The following KCTD16 variants were observed in gnomAD, a reference collection of about 807,000 sequenced individuals.
The protein encoded by KCTD16 is BTB/POZ domain-containing protein KCTD16.
Under a neutral mutation model 33.2 loss-of-function variants are expected in KCTD16, and 13 were observed. The observed-to-expected ratio is 0.39, with a 90% CI of 0.25 to 0.62. KCTD16 has a LOEUF of 0.62. Ranked by LOEUF, KCTD16 falls within the 20% of genes least tolerant of loss-of-function variation. The pLI is 0.50. For missense variants in KCTD16, 441 were observed against 525.1 expected, an observed-to-expected ratio of 0.84 and a Z score of 1.57; for synonymous variants, 197 against 195.3, an observed-to-expected ratio of 1.01 and a Z score of -0.07.
chr5:144,368,019 A>C (rs1473371249), intron 3 of KCTD16, among the ~76,000 whole-genome samples: 2 of 151,994 alleles, frequency 1.3e-5, no homozygotes, highest in Non-Finnish European at 2.9e-5. Flanking sequence ...AGCTATTATA[A>C]AGATTTAAAA....
chr5:144,380,099 T>A (rs1752178264), intron 3 of KCTD16, among the ~76,000 whole-genome samples: 1 of 152,192 alleles, frequency 6.6e-6, no homozygotes, highest in Admixed American at 6.6e-5. Flanking sequence ...CCCCATAGTC[T>A]CTGACCAAAG....
intron 3 of KCTD16, among the ~76,000 whole-genome samples, chr5:144,432,061 TTTC>T (rs1426862012): frequency 6.6e-6 from 1 of 152,162 alleles, no homozygotes; most frequent in Admixed American, 6.6e-5. Flanking sequence ...GATGTGGTAC[TTTC>T]TTCTTTTTCC....
intron 3 of KCTD16, among the ~76,000 whole-genome samples, chr5:144,414,845 G>A (rs984692062): frequency 1.3e-4 from 20 of 151,996 alleles, no homozygotes; most frequent in Admixed American, 6.6e-5. Flanking sequence ...CCTTGTATTC[G>A]TGTGTCTGCA....
intron 3 of KCTD16, among the ~76,000 whole-genome samples, chr5:144,433,365 A>C (rs917316544): frequency 6.6e-6 from 1 of 152,112 alleles, no homozygotes; most frequent in Non-Finnish European, 1.5e-5. Flanking sequence ...ACTGAATGGG[A>C]CTTAGAGGCC....
At chr5:144,312,740 C>A (rs543253287) in intron 3 of KCTD16, among the ~76,000 whole-genome samples, 4 of 152,294 alleles carry the variant, frequency 2.6e-5, no homozygotes, top group Non-Finnish European at 5.9e-5. Context: ...GCTAGAGGAA[C>A]CTCCACTGGA....
intron 3 of KCTD16, among the ~76,000 whole-genome samples, chr5:144,399,511 T>A (rs1414600364): frequency 2.0e-5 from 3 of 152,152 alleles, no homozygotes; most frequent in Non-Finnish European, 2.9e-5. Context: ...CCATATGAAT[T>A]ACAAGTACAT....
At chr5:144,468,954 C>G (rs1349473862) in intron 3 of KCTD16, among the ~76,000 whole-genome samples, 1 of 152,154 alleles carries the variant, frequency 6.6e-6, no homozygotes, top group Non-Finnish European at 1.5e-5. Context: ...TGTTTAAGTT[C>G]TTCTTTATCA....
At chr5:144,420,776 G>A (rs1452429295) in intron 3 of KCTD16, among the ~76,000 whole-genome samples, 1 of 152,066 alleles carries the variant, frequency 6.6e-6, no homozygotes, top group Admixed American at 6.6e-5. Flanking sequence ...GCATATCCTG[G>A]AGGTCAATAT....
intron 3 of KCTD16, among the ~76,000 whole-genome samples, chr5:144,280,874 AC>A (rs1434745705): frequency 1.4e-5 from 2 of 145,816 alleles, no homozygotes; most frequent in African/African-American, 5.1e-5. Context: ...TTACAGTGAA[AC>A]CCCGGTCTCT....
chr5:144,232,980 C>G (rs566992108), intron 3 of KCTD16, among the ~76,000 whole-genome samples: 21 of 152,208 alleles, frequency 1.4e-4, no homozygotes, highest in African/African-American at 5.1e-4. Flanking sequence ...TGCATTTTAA[C>G]GAGTCTCATG....
At chr5:144,259,504 G>GTAAATGGATATAATTA (rs1754948264) in intron 3 of KCTD16, among the ~76,000 whole-genome samples, 1 of 152,144 alleles carries the variant, frequency 6.6e-6, no homozygotes. Context: ...GTGCCCATTT[G>GTAAATGGATATAATTA]CAGACCATGT....
At chr5:144,379,674 T>C (rs1752167382) in intron 3 of KCTD16, among the ~76,000 whole-genome samples, 2 of 152,322 alleles carry the variant, frequency 1.3e-5, no homozygotes, top group South Asian at 4.1e-4. Context: ...TCACTCTTTC[T>C]TTTAAATTAA....
At chr5:144,265,789 C>T (rs1755126195) in intron 3 of KCTD16, among the ~76,000 whole-genome samples, 1 of 152,158 alleles carries the variant, frequency 6.6e-6, no homozygotes, top group African/African-American at 2.4e-5. Context: ...CAATTCTAAT[C>T]TATGGTTATT....
At chr5:144,463,201 C>T (rs1277708798) in intron 3 of KCTD16, among the ~76,000 whole-genome samples, 2 of 151,890 alleles carry the variant, frequency 1.3e-5, no homozygotes, top group Non-Finnish European at 2.9e-5. Context: ...TGGTAGAAAG[C>T]CCATGATGAG....
In KCTD16 at chr5:144,476,273, C is replaced by A. The variant is rs1306436394; in HGVS notation, c.*2159C>A. ...AAGTACTGTCAAAGACTTTGGGGGT[C>A]TAACTAAAATGGCCAAAGTTCCAAC... is the stretch of plus-strand genomic sequence containing the variant. On this transcript the variant is annotated 3_prime_UTR_variant, in exon 4 of 4. Transcript: ENST00000512467. 1 of 152,128 alleles carries A rather than the reference C, an allele frequency of 6.6e-6. No homozygotes were observed. The highest frequency in any genetic ancestry group is 1.5e-5 in the Non-Finnish European group (1 of 68,016). 9.4% of individuals were successfully genotyped at this position (152,128 alleles called of 1,614,324 possible).
At chr5:144,287,762 G>C (rs1000230193) in intron 3 of KCTD16, among the ~76,000 whole-genome samples, 8 of 151,950 alleles carry the variant, frequency 5.3e-5, no homozygotes, top group Non-Finnish European at 8.8e-5. Flanking sequence ...TCAGCCTCCC[G>C]AGTAGCTGGG....
At chr5:144,182,290 G>T (rs1016673507) in intron 2 of KCTD16, among the ~76,000 whole-genome samples, 1 of 152,102 alleles carries the variant, frequency 6.6e-6, no homozygotes, top group Non-Finnish European at 1.5e-5. Context: ...CATGCTCTTG[G>T]ACTTCACAGC....
intron 3 of KCTD16, among the ~76,000 whole-genome samples, chr5:144,305,798 G>A (rs888120387): frequency 2.0e-5 from 3 of 152,086 alleles, no homozygotes; most frequent in Non-Finnish European, 2.9e-5. Flanking sequence ...TGGAGACAGA[G>A]TGAGACTCTG....
At chr5:144,472,124 A>C (rs1287220884) in intron 3 of KCTD16, among the ~76,000 whole-genome samples, 1 of 152,240 alleles carries the variant, frequency 6.6e-6, no homozygotes, top group Admixed American at 6.5e-5. Flanking sequence ...ATTCATGAGA[A>C]TAAGATATAG....
Sources: allele counts gnomAD v4.1 joint callset (sites outside exome capture counted in the v4.1 genomes callset), GRCh38; gene constraint gnomAD v4.1.1; transcripts MANE v1.5; gene names NCBI Gene and HGNC (gene_info 2026-07-23, HGNC 2026-07-21).